The following PPIL4 variants were observed in gnomAD, a reference collection of about 807,000 sequenced individuals.
PPIL4 encodes the protein peptidylprolyl isomerase like 4.
Under a neutral mutation model 69.1 loss-of-function variants are expected in PPIL4, and 50 were observed. The ratio of observed to expected loss-of-function variants is 0.72; its 90% CI spans 0.58 to 0.92. The LOEUF is 0.92. Ranked by LOEUF, PPIL4 falls within the 40% of genes least tolerant of loss-of-function variation. The pLI is 0.00. For synonymous variants in PPIL4, 193 were observed against 191.6 expected, an observed-to-expected ratio of 1.01 and a Z score of -0.06; for missense variants, 480 against 587.9, an observed-to-expected ratio of 0.82 and a Z score of 1.90.
At chr6:149,541,766 T>C (rs1433745980) in intron 1 of PPIL4, among the ~76,000 whole-genome samples, 180 bp from the exon 2 acceptor site, 2 of 152,058 alleles carry the variant, frequency 1.3e-5, no homozygotes, top group African/African-American at 4.8e-5. Context: ...TCGCAGCGCT[T>C]TGGGAGGCGG....
chr6:149,515,621 T>G (rs977671580), intron 11 of PPIL4, among the ~76,000 whole-genome samples: 1 of 152,206 alleles, frequency 6.6e-6, no homozygotes, highest in Non-Finnish European at 1.5e-5. Context: ...CTGAATATCT[T>G]TCATTGCTAA....
rs1471003765 is a variant in PPIL4 at position 149,535,615 on chromosome 6, C to T, written c.445G>A (p.Val149Ile). Residue 149 changes from valine to isoleucine, a missense_variant, in exon 5 of 13, where the codon GTA (valine) becomes ATA (isoleucine). Transcript: ENST00000253329. ...CCATACCTGATATCCTGATATGGTACAAAGTCCTTGTCAACAAAGGTCTCA... is the reference window on the plus strand; with the variant it reads ...CCATACCTGATATCCTGATATGGTATAAAGTCCTTGTCAACAAAGGTCTCA... The part of the protein sequence containing the change: ...INETFVDKDF[V>I]PYQDIRINHT... 1.2e-6 allele frequency: 2 copies of T among 1,612,144 alleles called. No homozygotes were observed. Among genetic ancestry groups the T allele is most frequent in the Non-Finnish European group, 1.7e-6 (2 of 1,178,846 alleles).
At chr6:149,520,558 C>T (rs985044272) in intron 10 of PPIL4, among the ~76,000 whole-genome samples, 2 of 147,808 alleles carry the variant, frequency 1.4e-5, no homozygotes, top group Non-Finnish European at 3.0e-5. Context: ...AATACACGCA[C>T]AGGTGCACAC....
At chr6:149,523,703 AG>A (rs1323911397) in intron 9 of PPIL4, among the ~76,000 whole-genome samples, 2 of 151,972 alleles carry the variant, frequency 1.3e-5, no homozygotes, top group African/African-American at 4.8e-5. Context: ...AAAAATAAAA[AG>A]AAAAAAAAAA....
At chr6:149,517,768 CTG>C (rs1776968507) in intron 10 of PPIL4, 1 of 183,114 alleles carries the variant, frequency 5.5e-6, no homozygotes. Flanking sequence ...CAGTGGAAAA[CTG>C]AGGATTTGGG....
chr6:149,513,953 T>C (rs1776899806), intron 11 of PPIL4, among the ~76,000 whole-genome samples: 1 of 152,184 alleles, frequency 6.6e-6, no homozygotes, highest in African/African-American at 2.4e-5. Flanking sequence ...AGAAAGGTTA[T>C]GAGGAAGCCC....
intron 5 of PPIL4, 88 bp downstream of exon 5, chr6:149,535,508 G>A: frequency 1.1e-6 from 1 of 904,710 alleles, no homozygotes; most frequent in Non-Finnish European, 1.7e-6. Context: ...CCAGTCCTAT[G>A]CATACCGTTC....
chr6:149,535,555 A>G, intron 5 of PPIL4, 41 bp downstream of exon 5: 2 of 1,546,462 alleles, frequency 1.3e-6, no homozygotes, highest in Non-Finnish European at 1.8e-6. Context: ...TCTCAATATT[A>G]AAACATTCTA....
intron 11 of PPIL4, 119 bp from the exon 12 acceptor site, chr6:149,512,421 A>C (rs892992336): frequency 2.5e-4 from 166 of 667,514 alleles, no homozygotes; most frequent in Non-Finnish European, 4.0e-4. Flanking sequence ...AAGCATCTCA[A>C]AAGAATATAG....
At chr6:149,513,801 T>A (rs1174491345) in intron 11 of PPIL4, among the ~76,000 whole-genome samples, 1 of 150,480 alleles carries the variant, frequency 6.6e-6, no homozygotes, top group East Asian at 1.9e-4. Flanking sequence ...AATGTTTTAA[T>A]TCAGAGATAA....
intron 12 of PPIL4, 96 bp from the exon 13 acceptor site, chr6:149,505,800 G>A (rs570468650): frequency 1.8e-6 from 2 of 1,142,762 alleles, no homozygotes; most frequent in South Asian, 3.0e-5. Context: ...ACCATTAGAA[G>A]GCTGTTATAA....
At chr6:149,532,122 A>G (rs893847711) in intron 7 of PPIL4, among the ~76,000 whole-genome samples, 2 of 152,194 alleles carry the variant, frequency 1.3e-5, no homozygotes, top group South Asian at 2.1e-4. Flanking sequence ...TTACTGTCAA[A>G]TAGTCGAGAA....
At chr6:149,511,724 T>G (rs1451545989) in intron 12 of PPIL4, among the ~76,000 whole-genome samples, 1 of 152,234 alleles carries the variant, frequency 6.6e-6, no homozygotes, top group African/African-American at 2.4e-5. Flanking sequence ...TAATTACCAG[T>G]GCTGTTTTTC....
At chr6:149,534,580 A>G in intron 6 of PPIL4, 98 bp downstream of exon 6, 2 of 653,084 alleles carry the variant, frequency 3.1e-6, no homozygotes, top group Non-Finnish European at 5.2e-6. Flanking sequence ...TAAGCAAGAT[A>G]ATAATTCGGA....
At chr6:149,505,960 A>G (rs940387285) in intron 12 of PPIL4, among the ~76,000 whole-genome samples, 2 of 152,192 alleles carry the variant, frequency 1.3e-5, no homozygotes, top group African/African-American at 4.8e-5. Context: ...ATGGAACTGA[A>G]ATAGCTCAAC....
chr6:149,519,941 CAT>C (rs570684152), intron 10 of PPIL4, among the ~76,000 whole-genome samples: 66 of 152,272 alleles, frequency 4.3e-4, no homozygotes, highest in African/African-American at 1.5e-3. Flanking sequence ...ATTATTTCAA[CAT>C]ATGAGAGACC....
rs925381570 is a variant in PPIL4, at chr6:149,505,013, G to C, written c.*440C>G. On this transcript the variant is annotated 3_prime_UTR_variant, in exon 13 of 13. Transcript: ENST00000253329. ...ATACGTATGTTGTAAAACTATAATA[G>C]ACAAATGACAAACACAAAATTCCAA... The C allele has an allele frequency of 6.5e-6, 1 of 154,170 alleles. No homozygotes were observed. The highest frequency in any genetic ancestry group is 2.4e-5 in the African/African-American group (1 of 41,410). 9.6% of individuals were successfully genotyped at this position (154,170 alleles called of 1,614,324 possible).
At chr6:149,522,760 G>A (rs1235608185) in intron 9 of PPIL4, among the ~76,000 whole-genome samples, 2 of 151,958 alleles carry the variant, frequency 1.3e-5, no homozygotes, top group Non-Finnish European at 2.9e-5. Flanking sequence ...CTACAGGCAC[G>A]CACCACCATG....
At chr6:149,525,074 TA>T (rs1049608511) in intron 9 of PPIL4, 68 bp downstream of exon 9, 11 of 811,616 alleles carry the variant, frequency 1.4e-5, no homozygotes, top group Non-Finnish European at 2.2e-5. Context: ...AAAAGTTCTA[TA>T]ATTTTTCACA....
Sources: allele counts gnomAD v4.1 joint callset (sites outside exome capture counted in the v4.1 genomes callset), GRCh38; gene constraint gnomAD v4.1.1; transcripts MANE v1.5; gene names NCBI Gene and HGNC (gene_info 2026-07-23, HGNC 2026-07-21).